Variants in PTPRT observed in about 807,000 individuals in gnomAD.
The protein encoded by PTPRT is protein tyrosine phosphatase receptor type T.
PTPRT carries 56 observed loss-of-function variants against 176.8 expected under a neutral mutation model. The observed-to-expected ratio is 0.32, with a 90% CI of 0.26 to 0.40. The LOEUF is 0.40. Ranked by LOEUF, PTPRT falls within the 10% of genes least tolerant of loss-of-function variation. The pLI, the probability that PTPRT is intolerant of heterozygous loss-of-function variation, is 1.00. For synonymous variants in PTPRT, 783 were observed against 739.0 expected (o/e 1.06, Z -0.96); for missense variants, 1,540 against 1,908.2 (o/e 0.81, Z 3.60).
At chr20:43,174,842 T>C (rs1017737686) in intron 1 of PTPRT, among the ~76,000 whole-genome samples, 1 of 152,210 alleles carries the variant, frequency 6.6e-6, no homozygotes, top group Non-Finnish European at 1.5e-5. Flanking sequence ...ATAACAAAAC[T>C]GATCCATTGG....
At chr20:42,881,014 G>A (rs1479483408) in intron 2 of PTPRT, among the ~76,000 whole-genome samples, 1 of 152,216 alleles carries the variant, frequency 6.6e-6, no homozygotes, top group Admixed American at 6.5e-5. Flanking sequence ...ACCCACAGTA[G>A]AACACCTGCT....
chr20:42,563,675 T>C (rs1425500420), intron 7 of PTPRT, among the ~76,000 whole-genome samples: 2 of 152,194 alleles, frequency 1.3e-5, no homozygotes, highest in African/African-American at 2.4e-5. Context: ...ATTAAGGTGA[T>C]TGGATAAATA....
chr20:43,061,110 G>GGATT (rs970339887), intron 1 of PTPRT, among the ~76,000 whole-genome samples: 1 of 151,914 alleles, frequency 6.6e-6, no homozygotes, highest in African/African-American at 2.4e-5. Context: ...ATGGATGGAT[G>GGATT]GATGGATGGA....
intron 7 of PTPRT, among the ~76,000 whole-genome samples, chr20:42,601,298 T>C (rs952746712): frequency 6.6e-6 from 1 of 152,144 alleles, no homozygotes; most frequent in Non-Finnish European, 1.5e-5. Context: ...CATCACCCCT[T>C]TCATTTTCCC....
chr20:42,726,790 C>G (rs140593018), intron 6 of PTPRT, among the ~76,000 whole-genome samples: 3 of 152,214 alleles, frequency 2.0e-5, no homozygotes, highest in Admixed American at 6.5e-5. Context: ...GTGCAGCTCA[C>G]GTTCAGTCCC....
chr20:42,980,595 T>C (rs1325646343), intron 1 of PTPRT, among the ~76,000 whole-genome samples: 1 of 152,344 alleles, frequency 6.6e-6, no homozygotes, highest in South Asian at 2.1e-4. Context: ...CCCACCCTAC[T>C]GCAGCCTGTA....
At chr20:42,528,154 G>A (rs1223160613) in intron 7 of PTPRT, among the ~76,000 whole-genome samples, 5 of 152,026 alleles carry the variant, frequency 3.3e-5, no homozygotes, top group African/African-American at 1.2e-4. Flanking sequence ...GCTCTCGGGT[G>A]TTTGCATATT....
At chr20:43,099,841 G>A (rs553009409) in intron 1 of PTPRT, among the ~76,000 whole-genome samples, 25 of 152,190 alleles carry the variant, frequency 1.6e-4, no homozygotes, top group Admixed American at 4.6e-4. Context: ...ATTCTTCCTC[G>A]CATGGTCATC....
At chr20:42,195,090 G>GTACA (rs1991157198) in intron 16 of PTPRT, among the ~76,000 whole-genome samples, 1 of 152,034 alleles carries the variant, frequency 6.6e-6, no homozygotes, top group Non-Finnish European at 1.5e-5. Flanking sequence ...CACCAACATG[G>GTACA]TACATGTATA....
chr20:42,376,756 C>A (rs1325111366), intron 9 of PTPRT, among the ~76,000 whole-genome samples: 5 of 152,092 alleles, frequency 3.3e-5, no homozygotes, highest in African/African-American at 1.2e-4. Context: ...AAGGAAAGAT[C>A]CCCAGCCACA....
At chr20:42,086,753 A>AAAAAAAAATATATATATATATATAT (rs1983991312) in intron 27 of PTPRT, among the ~76,000 whole-genome samples, 1 of 95,546 alleles carries the variant, frequency 1.0e-5, no homozygotes, top group African/African-American at 4.9e-5. Flanking sequence ...AAAAAAAAAA[A>AAAAAAAAATATATATATATATATAT]ATATATATAT....
chr20:43,138,118 G>A (rs981189020), intron 1 of PTPRT, among the ~76,000 whole-genome samples: 3 of 152,292 alleles, frequency 2.0e-5, no homozygotes, highest in African/African-American at 4.8e-5. Flanking sequence ...CATAGGGCCC[G>A]GCACAGAGTG....
At chr20:42,377,714 G>C (rs1684594025) in intron 9 of PTPRT, among the ~76,000 whole-genome samples, 1 of 152,188 alleles carries the variant, frequency 6.6e-6, no homozygotes, top group South Asian at 2.1e-4. Context: ...TGAGCCTTGT[G>C]ACTGTGGAGG....
At chr20:42,470,404 G>A (rs553591117) in intron 8 of PTPRT, among the ~76,000 whole-genome samples, 1 of 152,216 alleles carries the variant, frequency 6.6e-6, no homozygotes, top group African/African-American at 2.4e-5. Flanking sequence ...TTGCACCTTG[G>A]CTTTCTCCCC....
chr20:42,949,682 T>G (rs928893075), intron 1 of PTPRT, among the ~76,000 whole-genome samples: 2 of 152,190 alleles, frequency 1.3e-5, no homozygotes, highest in Non-Finnish European at 2.9e-5. Context: ...ATGAACACAT[T>G]AAACAGTTGT....
At chr20:42,378,671 C>T (rs949130059) in intron 9 of PTPRT, among the ~76,000 whole-genome samples, 8 of 152,156 alleles carry the variant, frequency 5.3e-5, no homozygotes, top group African/African-American at 1.4e-4. Flanking sequence ...CATTGTGCCA[C>T]GGTTAAGATA....
chr20:42,191,657 G>T (rs1991008475), intron 16 of PTPRT, among the ~76,000 whole-genome samples: 1 of 152,214 alleles, frequency 6.6e-6, no homozygotes, highest in Admixed American at 6.5e-5. Flanking sequence ...GGGAGGGTGT[G>T]GGTGCTGCAG....
intron 27 of PTPRT, among the ~76,000 whole-genome samples, chr20:42,088,235 C>T (rs1486361410): frequency 1.3e-5 from 2 of 152,140 alleles, no homozygotes; most frequent in African/African-American, 4.8e-5. Context: ...AAAGACCCAC[C>T]GAGGCTTCTG....
intron 2 of PTPRT, among the ~76,000 whole-genome samples, chr20:42,860,228 C>A (rs148197918): frequency 7.9e-5 from 12 of 152,196 alleles, no homozygotes; most frequent in African/African-American, 2.7e-4. Context: ...CACAAACACA[C>A]ACACACCCCT....
Sources: gnomAD v4.1 joint callset for allele counts (sites outside exome capture counted in the v4.1 genomes callset) on GRCh38, gnomAD v4.1.1 for gene constraint, MANE v1.5 for transcripts, NCBI Gene and HGNC (gene_info 2026-07-23, HGNC 2026-07-21) for gene names.